The following ZNF677 variants were observed in gnomAD, a reference collection of about 807,000 sequenced individuals.
ZNF677 encodes hypothetical protein MGC48625.
In ZNF677, 5 loss-of-function variants were observed where a neutral mutation model predicts 8.1. The observed-to-expected ratio is 0.62, with a 90% CI of 0.32 to 1.29. The LOEUF (loss-of-function observed/expected upper bound fraction) is 1.29. ZNF677 is among the 50% of genes most tolerant of loss of function. ZNF677 has a pLI of 0.05. For missense variants in ZNF677, 685 were observed against 685.9 expected, an observed-to-expected ratio of 1.00 and a Z score of 0.01; for synonymous variants, 221 against 225.6, an observed-to-expected ratio of 0.98 and a Z score of 0.18.
chr19:53,241,781 A>G (rs1399892329), intron 4 of ZNF677: 1 of 398,464 alleles, frequency 2.5e-6, no homozygotes, highest in African/African-American at 2.1e-5. Flanking sequence ...ATACTGTGAC[A>G]GATTAATTAA....
intron 3 of ZNF677, among the ~76,000 whole-genome samples, chr19:53,245,703 G>T: frequency 1.2e-5 from 1 of 80,516 alleles, no homozygotes; most frequent in South Asian, 3.7e-4. Context: ...TATGGAAACA[G>T]TACGGAGGTT....
intron 3 of ZNF677, among the ~76,000 whole-genome samples, chr19:53,245,753 C>T (rs889604618): frequency 3.3e-5 from 5 of 152,156 alleles, no homozygotes; most frequent in African/African-American, 1.2e-4. Flanking sequence ...GTGGCTCACA[C>T]CTGTAATCCC....
intron 3 of ZNF677, among the ~76,000 whole-genome samples, chr19:53,246,718 C>A (rs1055445631): frequency 2.0e-5 from 3 of 151,928 alleles, no homozygotes; most frequent in Non-Finnish European, 4.4e-5. Context: ...ATGGTGGTTG[C>A]TAGGTGCTGA....
chr19:53,238,365 G>C lies in ZNF677; in HGVS notation c.362C>G (p.Pro121Arg). The change falls in exon 5 of 5, where the codon CCT (proline) becomes CGT (arginine). Residue 121 changes from proline (P) to arginine (R), a missense_variant. Coordinates refer to ENST00000598513, the MANE Select transcript of ZNF677 (RefSeq NM_182609.4). ...AGTGAGATTTTTGTTACAGGTCAAA[G>C]GCATTCCTTTGTAATTTTTTACATC... ...DYDVKNYKGM[P>R]LTCNKNLTHR... is the part of the protein sequence containing the mutation. 1 of 1,613,610 alleles carries C rather than the reference G, an allele frequency of 6.2e-7. No individual in the cohort carries two copies. Among genetic ancestry groups the C allele is most frequent in the Non-Finnish European group, 8.5e-7 (1 of 1,179,850 alleles).
chr19:53,238,343 G>C lies in ZNF677; in HGVS notation c.384C>G (p.Leu128=). 2 of 1,612,990 alleles carry C rather than the reference G, an allele frequency of 1.2e-6. No homozygotes were observed. The highest frequency in any genetic ancestry group is 8.5e-7 in the Non-Finnish European group (1 of 1,179,564). The part of the protein sequence containing the change: ...KGMPLTCNKN[L]THRKDQQHNK... ...TATGTTGTTGATCTTTTCTGTGAGT[G>C]AGATTTTTGTTACAGGTCAAAGGCA... is the stretch of plus-strand genomic sequence containing the variant. Residue 128 remains leucine, a synonymous_variant, in exon 5 of 5, where the codon CTC becomes CTG. Transcript: ENST00000598513.
intron 3 of ZNF677, among the ~76,000 whole-genome samples, chr19:53,247,924 C>T (rs940090849): frequency 6.6e-6 from 1 of 152,032 alleles, no homozygotes; most frequent in African/African-American, 2.4e-5. Context: ...AAAATTATTC[C>T]TCCAATAAGT....
intron 4 of ZNF677, chr19:53,242,462 C>T (rs2091068149): frequency 5.0e-6 from 2 of 398,506 alleles, no homozygotes; most frequent in South Asian, 1.3e-4. Flanking sequence ...AGATATATTC[C>T]CATTTTGGAA....
chr19:53,253,778 T>A (rs1037330679), intron 1 of ZNF677, among the ~76,000 whole-genome samples: 3 of 144,782 alleles, frequency 2.1e-5, no homozygotes, highest in Admixed American at 6.7e-5. Context: ...ACTTTGAAAA[T>A]TTTTTTTAAA....
intron 4 of ZNF677, 197 bp downstream of exon 4, chr19:53,243,547 C>A (rs3097251): frequency 4.5e-6 from 3 of 668,186 alleles, no homozygotes. Context: ...AACCACCACT[C>A]GTCAAACCTG....
chr19:53,244,047 A>G, intron 3 of ZNF677, 150 bp from the exon 4 acceptor site: 2 of 713,816 alleles, frequency 2.8e-6, no homozygotes, highest in South Asian at 4.2e-5. Context: ...TTAAACTGAG[A>G]TGAAATTACA....
At chr19:53,248,101 G>C (rs1032569548) in intron 3 of ZNF677, among the ~76,000 whole-genome samples, 1 of 151,776 alleles carries the variant, frequency 6.6e-6, no homozygotes, top group African/African-American at 2.4e-5. Flanking sequence ...ATATCATTTC[G>C]GTTCCCTTCT....
At chr19:53,244,029 TA>T (rs2091098042) in intron 3 of ZNF677, 132 bp from the exon 4 acceptor site, 1 of 814,820 alleles carries the variant, frequency 1.2e-6, no homozygotes. Context: ...TCCCTAATTT[TA>T]TTTTTTTTAA....
intron 2 of ZNF677, 99 bp downstream of exon 2, chr19:53,252,987 G>A (rs886949095): frequency 2.6e-5 from 4 of 152,124 alleles, no homozygotes; most frequent in Non-Finnish European, 2.9e-5. Flanking sequence ...CACATATTTT[G>A]TATGTTACAT....
chr19:53,248,200 G>A (rs1247475460), intron 3 of ZNF677, among the ~76,000 whole-genome samples: 1 of 152,136 alleles, frequency 6.6e-6, no homozygotes, highest in East Asian at 1.9e-4. Flanking sequence ...TCGATGCTAA[G>A]TTGGCTTCAA....
intron 3 of ZNF677, among the ~76,000 whole-genome samples, chr19:53,250,816 A>C (rs1371839877): frequency 6.6e-6 from 1 of 152,224 alleles, no homozygotes; most frequent in African/African-American, 2.4e-5. Flanking sequence ...ACTAAAATTA[A>C]GAAAAATAAT....
At chr19:53,244,680 A>T (rs2091108760) in intron 3 of ZNF677, among the ~76,000 whole-genome samples, 1 of 152,218 alleles carries the variant, frequency 6.6e-6, no homozygotes, top group Non-Finnish European at 1.5e-5. Flanking sequence ...CATATTATCC[A>T]AAGCAATCTA....
At chr19:53,241,508 G>A (rs1460729670) in intron 4 of ZNF677, 1 of 257,632 alleles carries the variant, frequency 3.9e-6, no homozygotes, top group African/African-American at 2.2e-5. Flanking sequence ...TGGTCAACAT[G>A]TTCGCAGATA....
Position 53,243,685 on chromosome 19 carries a change from C to T in ZNF677, c.169+59G>A, listed in dbSNP as rs11881125. ...AACAGGGATCGGATTCAGACAAGCACATCAGGGCCTCCCAAGAGACTCACA... is the reference window on the plus strand; with the variant it reads ...AACAGGGATCGGATTCAGACAAGCATATCAGGGCCTCCCAAGAGACTCACA... On this transcript the variant is annotated intron_variant, in intron 4 of 4. Coordinates refer to ENST00000598513, the MANE Select transcript of ZNF677 (RefSeq NM_182609.4). 2.6e-3 allele frequency: 4,179 copies of T among 1,610,556 alleles called. 107 individuals are homozygous for T. In the African/African-American group the frequency reaches 0.049, roughly 19 times the overall value.
At chr19:53,254,037 A>G (rs28658052) in intron 1 of ZNF677, among the ~76,000 whole-genome samples, 48,630 of 151,988 alleles carry the variant, frequency 0.32, 9,387 homozygotes, top group African/African-American at 0.54. Flanking sequence ...CTTCTGATGT[A>G]ATAATTAGAA....
Sources: allele counts gnomAD v4.1 joint callset (sites outside exome capture counted in the v4.1 genomes callset), GRCh38; gene constraint gnomAD v4.1.1; transcripts MANE v1.5; gene names NCBI Gene and HGNC (gene_info 2026-07-23, HGNC 2026-07-21).